RAPGEF1: variants seen among roughly 807,000 people sequenced by gnomAD.
RAPGEF1 encodes CRK SH3-binding GNRP.
A neutral mutation model predicts 143.3 loss-of-function variants in RAPGEF1; 33 were observed. The ratio of observed to expected loss-of-function variants is 0.23; its 90% CI spans 0.17 to 0.31. The LOEUF (loss-of-function observed/expected upper bound fraction) is 0.31. Ranked by LOEUF, RAPGEF1 falls within the 10% of genes least tolerant of loss-of-function variation. The pLI is 1.00. For synonymous variants in RAPGEF1, 629 were observed against 676.5 expected, an observed-to-expected ratio of 0.93 and a Z score of 1.09; for missense variants, 1,199 against 1,645.4, an observed-to-expected ratio of 0.73 and a Z score of 4.69.
intron 12 of RAPGEF1, among the ~76,000 whole-genome samples, chr9:131,617,765 AAAGGAAAGACGCTG>A (rs1959219379): frequency 1.3e-5 from 2 of 152,314 alleles, no homozygotes; most frequent in Admixed American, 1.3e-4. Context: ...ATCCAGTCCC[AAAGGAAAGACGCTG>A]AAGCATCTTT....
intron 1 of RAPGEF1, among the ~76,000 whole-genome samples, chr9:131,698,517 T>C (rs1332164160): frequency 6.6e-6 from 1 of 152,222 alleles, no homozygotes; most frequent in African/African-American, 2.4e-5. Flanking sequence ...TTGTTTGCAG[T>C]AATGGCCAAA....
In RAPGEF1 at chr9:131,629,379, G is replaced by A. The variant is rs538147371; in HGVS notation, c.741-125C>T. On this transcript the variant is annotated intron_variant, in intron 6 of 26. Transcript: ENST00000683357. ...TGGGTGAGGTGGGGCTGAAGAGCAGGCTCCCTGGATATAGAACCCTGGGGT... is the reference window on the plus strand; with the variant it reads ...TGGGTGAGGTGGGGCTGAAGAGCAGACTCCCTGGATATAGAACCCTGGGGT... 58 of 979,562 alleles carry A rather than the reference G, an allele frequency of 5.9e-5. 1 individual carries two copies. The African/African-American group carries it at 7.8e-4, about 13-fold the overall frequency. 60.7% of individuals were successfully genotyped at this position (979,562 alleles called of 1,614,324 possible).
intron 1 of RAPGEF1, among the ~76,000 whole-genome samples, chr9:131,698,188 C>T (rs1340809046): frequency 6.6e-6 from 1 of 152,172 alleles, no homozygotes; most frequent in Non-Finnish European, 1.5e-5. Context: ...CTCCCTCAGT[C>T]CACCCTGATT....
intron 1 of RAPGEF1, among the ~76,000 whole-genome samples, chr9:131,701,995 G>A (rs935595135): frequency 1.3e-5 from 2 of 152,198 alleles, no homozygotes; most frequent in African/African-American, 2.4e-5. Flanking sequence ...CAATGGCCTT[G>A]TCCGTTCTAT....
At chr9:131,726,777 T>TA (rs1156579692) in intron 1 of RAPGEF1, among the ~76,000 whole-genome samples, 1 of 152,108 alleles carries the variant, frequency 6.6e-6, no homozygotes, top group Non-Finnish European at 1.5e-5. Flanking sequence ...CTACACGTGT[T>TA]AAAACGCACA....
chr9:131,693,261 C>T (rs1185414313), intron 1 of RAPGEF1, among the ~76,000 whole-genome samples: 1 of 152,092 alleles, frequency 6.6e-6, no homozygotes, highest in Non-Finnish European at 1.5e-5. Context: ...AAGTTTTGGT[C>T]ACACTGTCTC....
At chr9:131,681,605 C>T (rs756631869) in intron 1 of RAPGEF1, among the ~76,000 whole-genome samples, 6 of 152,186 alleles carry the variant, frequency 3.9e-5, no homozygotes, top group Non-Finnish European at 5.9e-5. Flanking sequence ...TCAGTTCTTA[C>T]AATTTAAAAC....
At chr9:131,683,483 C>T (rs771154560) in intron 1 of RAPGEF1, among the ~76,000 whole-genome samples, 1 of 152,234 alleles carries the variant, frequency 6.6e-6, no homozygotes, top group South Asian at 2.1e-4. Flanking sequence ...GGGAGCATTA[C>T]AGCCAGGATT....
intron 1 of RAPGEF1, among the ~76,000 whole-genome samples, chr9:131,706,456 G>C (rs1367165433): frequency 6.6e-6 from 1 of 152,036 alleles, no homozygotes; most frequent in African/African-American, 2.4e-5. Flanking sequence ...TAGAGATGGG[G>C]TTTCGCCATG....
Position 131,667,976 on chromosome 9 carries a change from C to G in RAPGEF1, c.62-17027G>C, listed in dbSNP as rs1202697701. Among the ~76,000 whole-genome samples, 2 of 152,170 alleles carry G rather than the reference C, an allele frequency of 1.3e-5. No homozygotes were observed. The highest frequency in any genetic ancestry group is 2.9e-5 in the Non-Finnish European group (2 of 68,024). On this transcript the variant is annotated intron_variant, in intron 1 of 26. Transcript: ENST00000683357. This position sits in a 1 kb window ranked among gnomAD's most constrained non-coding sequence, Gnocchi z 4.6. ...CACCAGACCGTTCAAAAATATACTC[C>G]TTTTTGGGATAAATGCCACCATCTT...
At chr9:131,614,149 C>CCA (rs1391905412) in intron 12 of RAPGEF1, among the ~76,000 whole-genome samples, 5 of 151,804 alleles carry the variant, frequency 3.3e-5, no homozygotes, top group South Asian at 4.3e-4. Context: ...CACCCCCCCC[C>CCA]AAGGAGGGGC....
rs933312086 is a variant in RAPGEF1 at position 131,587,299 on chromosome 9, G to A, written c.3233+437C>T. ...ACACACACCTGCAGAGCGAGACTCC[G>A]TCTCAAACACACACACACACACACA... On this transcript the variant is annotated intron_variant, in intron 22 of 26. Coordinates refer to ENST00000683357, the MANE Select transcript of RAPGEF1 (RefSeq NM_001377935.1). Among the ~76,000 whole-genome samples, 5 of 106,232 alleles carry A rather than the reference G, an allele frequency of 4.7e-5. No individual in the cohort carries two copies. In the East Asian group the frequency reaches 1.0e-3, roughly 22 times the overall value. 69.7% of individuals were successfully genotyped at this position (106,232 alleles called of 152,430 possible).
intron 5 of RAPGEF1, 35 bp downstream of exon 5, chr9:131,638,600 C>T: frequency 1.2e-6 from 2 of 1,609,296 alleles, no homozygotes; most frequent in South Asian, 1.1e-5. Context: ...TGCTCTAAGT[C>T]CCTGACTGGG....
chr9:131,643,370 C>G lies in RAPGEF1; in HGVS notation c.363G>C (p.Leu121=). The G allele has an allele frequency of 6.2e-7, 1 of 1,613,838 alleles. No individual in the cohort carries two copies. Among genetic ancestry groups the G allele is most frequent in the African/African-American group, 1.3e-5 (1 of 75,028 alleles). ...EEKEKEVVSA[L]RYFKTIVDKM... ...TGTCCACAATGGTCTTAAAGTAGCG[C>G]AGGGCACTGACAACTTCCTTCTCTT... Residue 121 remains leucine, a synonymous_variant, in exon 4 of 27, where the codon CTG becomes CTC. Coordinates refer to ENST00000683357, the MANE Select transcript of RAPGEF1 (RefSeq NM_001377935.1).
In RAPGEF1 at chr9:131,605,043, G is replaced by A. The variant is rs754515927; in HGVS notation, c.2207C>T (p.Thr736Ile). 6 of 1,364,658 alleles carry A rather than the reference G, an allele frequency of 4.4e-6. No homozygotes were observed. Among genetic ancestry groups the A allele is most frequent in the Middle Eastern group, 2.1e-4 (1 of 4,764 alleles). 84.5% of individuals were successfully genotyped at this position (1,364,658 alleles called of 1,614,324 possible). A position where few individuals can be genotyped will look rare whatever the true frequency, so the allele number is the denominator to read the frequency against. The change falls in exon 13 of 27, where the codon ACC (threonine) becomes ATC (isoleucine). Residue 736 changes from threonine to isoleucine, a missense_variant. By Grantham distance (89) the Thr-to-Ile change is moderately conservative (BLOSUM62 -1). This residue lies in a region of RAPGEF1 where 293 missense variants were observed against 356.2 expected (regional missense o/e 0.82). Transcript: ENST00000683357. ...QSQSSDLAVP[T>I]MAGPPPSTVD... ...GGTGCTGGGAGGTGGACCGGCCATGGTTGGCACGGCTAAGTCAGAGCTCTG... is the reference window on the plus strand; with the variant it reads ...GGTGCTGGGAGGTGGACCGGCCATGATTGGCACGGCTAAGTCAGAGCTCTG...
chr9:131,708,920 A>AT (rs1835296437), intron 1 of RAPGEF1, among the ~76,000 whole-genome samples: 1 of 152,144 alleles, frequency 6.6e-6, no homozygotes, highest in Non-Finnish European at 1.5e-5. Flanking sequence ...ATTAGTAGAG[A>AT]CGGGGTTTCG....
At chr9:131,608,301 C>A (rs774184406) in intron 12 of RAPGEF1, among the ~76,000 whole-genome samples, 1 of 152,216 alleles carries the variant, frequency 6.6e-6, no homozygotes, top group Non-Finnish European at 1.5e-5. Flanking sequence ...AATAACAGTA[C>A]TGGGGCATTC....
intron 1 of RAPGEF1, among the ~76,000 whole-genome samples, chr9:131,706,514 C>T (rs1470895246): frequency 6.6e-6 from 1 of 152,166 alleles, no homozygotes; most frequent in Non-Finnish European, 1.5e-5. Context: ...AAGTGATCCG[C>T]CTGCCTCGGC....
At chr9:131,693,143 G>T (rs547934071) in intron 1 of RAPGEF1, among the ~76,000 whole-genome samples, 2 of 152,228 alleles carry the variant, frequency 1.3e-5, no homozygotes, top group Admixed American at 1.3e-4. Flanking sequence ...TCTCTCTCTG[G>T]CTGGAATAAT....
Sources: allele counts gnomAD v4.1 joint callset (sites outside exome capture counted in the v4.1 genomes callset), GRCh38; gene constraint gnomAD v4.1.1; regional missense constraint gnomAD v4.1.1; non-coding constraint Gnocchi (gnomAD v3.1); transcripts MANE v1.5; gene names NCBI Gene and HGNC (gene_info 2026-07-23, HGNC 2026-07-21).